Variants in PHF24 observed in about 807,000 individuals in gnomAD.
The protein encoded by PHF24 is Galpha inhibitory interacting protein.
Under a neutral mutation model 42.6 loss-of-function variants are expected in PHF24, and 25 were observed. The observed-to-expected ratio is 0.59, with a 90% confidence interval of 0.43 to 0.82. The LOEUF is 0.82. Among genes scored for constraint, PHF24 ranks in the 40% least tolerant of loss-of-function variants. The pLI, the probability that PHF24 is intolerant of heterozygous loss-of-function variation, is 0.00. For missense variants in PHF24, 470 were observed against 538.1 expected, an observed-to-expected ratio of 0.87 and a Z score of 1.25; for synonymous variants, 185 against 204.8, an observed-to-expected ratio of 0.90 and a Z score of 0.83.
At chr9:34,794,114 T>G in the PHF24 span, among the ~76,000 whole-genome samples, 2 of 152,052 alleles carry the variant, frequency 1.3e-5, no homozygotes, top group African/African-American at 4.8e-5. Context: ...ACCTCCAAAG[T>G]GTACATGCAT....
the PHF24 span, among the ~76,000 whole-genome samples, chr9:34,885,888 A>G: frequency 6.6e-6 from 1 of 151,468 alleles, no homozygotes; most frequent in Non-Finnish European, 1.5e-5. Context: ...AACTTTCAGA[A>G]TCTCTCTCCA....
the PHF24 span, chr9:34,726,635 A>T: frequency 1.9e-6 from 3 of 1,551,446 alleles, no homozygotes; most frequent in African/African-American, 4.1e-5. Flanking sequence ...CCCTAGCTGG[A>T]GGTGATCAGC....
the PHF24 span, among the ~76,000 whole-genome samples, chr9:34,772,793 G>A: frequency 6.6e-6 from 1 of 152,172 alleles, no homozygotes; most frequent in Non-Finnish European, 1.5e-5. Context: ...GTGGATTACA[G>A]TTGGCAATAC....
the PHF24 span, among the ~76,000 whole-genome samples, chr9:34,908,071 G>A: frequency 0.46 from 69,311 of 151,818 alleles, 16,724 homozygotes; most frequent in Non-Finnish European, 0.54. Context: ...TCGAACTCCC[G>A]ACCTCGTGAT....
the PHF24 span, among the ~76,000 whole-genome samples, chr9:34,879,124 A>C: frequency 6.6e-6 from 1 of 152,232 alleles, no homozygotes; most frequent in African/African-American, 2.4e-5. Context: ...AGCAAACTCC[A>C]ACAGACCTGC....
the PHF24 span, among the ~76,000 whole-genome samples, chr9:34,671,755 C>T: frequency 6.6e-6 from 1 of 152,136 alleles, no homozygotes; most frequent in East Asian, 1.9e-4. Flanking sequence ...GTTTCCCATT[C>T]CAGATCTAGA....
the PHF24 span, chr9:34,726,738 C>T: frequency 2.6e-6 from 4 of 1,551,696 alleles, no homozygotes; most frequent in African/African-American, 4.1e-5. Context: ...GTTGGGGTTA[C>T]AGATGACAGT....
chr9:34,937,698 G>A, the PHF24 span, among the ~76,000 whole-genome samples: 944 of 151,138 alleles, frequency 6.2e-3, 8 homozygotes, highest in Non-Finnish European at 8.7e-3. Flanking sequence ...GTCTGGCCTC[G>A]CTTGATGTAA....
the PHF24 span, among the ~76,000 whole-genome samples, chr9:34,845,959 A>G: frequency 6.6e-6 from 1 of 152,086 alleles, no homozygotes; most frequent in Non-Finnish European, 1.5e-5. Context: ...ATAGTATTCC[A>G]TGGTGTATAT....
the PHF24 span, among the ~76,000 whole-genome samples, chr9:34,765,661 C>G: frequency 1.3e-5 from 2 of 149,532 alleles, 1 homozygote; most frequent in Admixed American, 1.3e-4. Flanking sequence ...TCCAATTTGC[C>G]AGTCTGTGTC....
the PHF24 span, among the ~76,000 whole-genome samples, chr9:34,783,805 A>G: frequency 3.3e-5 from 5 of 152,208 alleles, no homozygotes; most frequent in African/African-American, 9.6e-5. Context: ...AGAATATCAA[A>G]TAAAGTGAAT....
the PHF24 span, among the ~76,000 whole-genome samples, chr9:34,730,471 A>C: frequency 6.6e-6 from 1 of 152,172 alleles, no homozygotes; most frequent in African/African-American, 2.4e-5. Flanking sequence ...GTCCTTCCTC[A>C]GTATCCAGCC....
chr9:34,844,750 A>G, the PHF24 span, among the ~76,000 whole-genome samples: 4,494 of 152,276 alleles, frequency 0.03, 119 homozygotes, highest in African/African-American at 0.06. Flanking sequence ...CATATTATCT[A>G]TATTGAATAA....
chr9:34,960,173 G>A (rs995758215), intron 1 of PHF24, among the ~76,000 whole-genome samples: 3 of 152,154 alleles, frequency 2.0e-5, no homozygotes, highest in Admixed American at 1.3e-4. Flanking sequence ...GTCCAAAAAC[G>A]GAGTGGTGAG....
the PHF24 span, among the ~76,000 whole-genome samples, chr9:34,741,212 GT>G: frequency 6.7e-6 from 1 of 148,990 alleles, no homozygotes; most frequent in Non-Finnish European, 1.5e-5. Flanking sequence ...TGTAAAAAAA[GT>G]TTAGAAACAC....
chr9:34,842,717 C>G, the PHF24 span, among the ~76,000 whole-genome samples: 1 of 152,160 alleles, frequency 6.6e-6, no homozygotes, highest in African/African-American at 2.4e-5. Context: ...AATTTCTGTT[C>G]TTTATAAGTT....
chr9:34,889,760 A>G, the PHF24 span: 11 of 397,146 alleles, frequency 2.8e-5, 1 homozygote, highest in Middle Eastern at 2.5e-3. Context: ...ATGGCCCTGA[A>G]CTATTTGACC....
the PHF24 span, among the ~76,000 whole-genome samples, chr9:34,668,162 G>C: frequency 0.56 from 84,936 of 152,034 alleles, 24,119 homozygotes; most frequent in East Asian, 0.8. Flanking sequence ...TAGGGCTTAA[G>C]ATGGGAAGGC....
the PHF24 span, among the ~76,000 whole-genome samples, chr9:34,809,765 G>A: frequency 5.3e-5 from 8 of 152,160 alleles, no homozygotes; most frequent in Non-Finnish European, 1.2e-4. The surrounding 1 kb of genome is among the most constrained non-coding windows in gnomAD (Gnocchi z 4.1). Context: ...TGCTGCAGTT[G>A]GCCGGCTGTT....
Sources: gnomAD v4.1 joint callset for allele counts (sites outside exome capture counted in the v4.1 genomes callset) on GRCh38, gnomAD v4.1.1 for gene constraint, Gnocchi (gnomAD v3.1) non-coding constraint, MANE v1.5 for transcripts, NCBI Gene and HGNC (gene_info 2026-07-23, HGNC 2026-07-21) for gene names.